KDM4C: variants seen among roughly 807,000 people sequenced by gnomAD.
The protein encoded by KDM4C is lysine demethylase 4C, also known as lysine-specific demethylase 4C.
KDM4C carries 81 observed loss-of-function variants against 129.3 expected under a neutral mutation model. The observed-to-expected ratio is 0.63, with a 90% CI of 0.52 to 0.75. KDM4C has a LOEUF of 0.75. Ranked by LOEUF, KDM4C falls within the 30% of genes least tolerant of loss-of-function variation. The pLI is 0.00. For missense variants in KDM4C, 1,457 were observed against 1,304.0 expected (o/e 1.12, Z -1.81); for synonymous variants, 573 against 456.1 (o/e 1.26, Z -3.26).
rs182194471 is a variant in KDM4C at position 6,863,159 on chromosome 9, G to A, written c.629+13459G>A. 3.2e-4 allele frequency among the ~76,000 whole-genome samples: 49 copies of A among 152,090 alleles called. 1 individual carries two copies. Among genetic ancestry groups the A allele is most frequent in the Admixed American group, 3.2e-3 (49 of 15,278 alleles). On this transcript the variant is annotated intron_variant, in intron 5 of 21. Transcript: ENST00000381309. ...CAAAATAAAAACAAAAAAACCCTGT[G>A]CTTTAACTCCCCCCCACCCCATGTT...
At chr9:6,884,051 A>G (rs536165372) in intron 6 of KDM4C, among the ~76,000 whole-genome samples, 17 of 152,276 alleles carry the variant, frequency 1.1e-4, no homozygotes, top group Admixed American at 2.6e-4. Flanking sequence ...CATGTCTAGG[A>G]GATTAAAACA....
At chr9:7,041,593 A>G (rs1406262067) in intron 15 of KDM4C, among the ~76,000 whole-genome samples, 16 of 151,778 alleles carry the variant, frequency 1.1e-4, no homozygotes, top group Non-Finnish European at 1.9e-4. Flanking sequence ...TGTGTGCTAG[A>G]CATTTTGTCT....
At chr9:7,115,481 A>G (rs925276871) in intron 18 of KDM4C, among the ~76,000 whole-genome samples, 15 of 152,236 alleles carry the variant, frequency 9.9e-5, no homozygotes, top group African/African-American at 3.4e-4. Context: ...CAGACACACA[A>G]CAGCAAAGGG....
chr9:6,887,307 A>G (rs540377618), intron 6 of KDM4C, among the ~76,000 whole-genome samples: 8 of 152,338 alleles, frequency 5.3e-5, no homozygotes, highest in Non-Finnish European at 1.0e-4. Flanking sequence ...GTCTTGGCGT[A>G]TAATATACTG....
intron 1 of KDM4C, among the ~76,000 whole-genome samples, chr9:6,725,709 T>C (rs1817100763): frequency 8.6e-6 from 1 of 116,824 alleles, no homozygotes; most frequent in Non-Finnish European, 2.0e-5. Context: ...TTCTTTTCTT[T>C]TCTTTTTTTT....
At chr9:6,808,147 G>A (rs1830474928) in intron 3 of KDM4C, among the ~76,000 whole-genome samples, 1 of 56,786 alleles carries the variant, frequency 1.8e-5, no homozygotes, top group Non-Finnish European at 3.2e-5. Flanking sequence ...CCCCTACTGG[G>A]AAGTGAGGAG....
At position 7,033,527 on chromosome 9, in the gene KDM4C, A is replaced by C. The variant is rs575240244; in HGVS notation, c.2260-13335A>C. On this transcript the variant is annotated intron_variant, in intron 15 of 21. Transcript: ENST00000381309. ...CTTTAACCAAACAGAAGAGCACATA[A>C]GAGGATATCAGTTATCCTGACAGCA... Among the ~76,000 whole-genome samples, 9 of 152,324 alleles carry C rather than the reference A, an allele frequency of 5.9e-5. No individual in the cohort carries two copies. In the South Asian group the frequency reaches 1.9e-3, roughly 32 times the overall value.
At chr9:7,092,635 G>C (rs1367762454) in intron 17 of KDM4C, among the ~76,000 whole-genome samples, 5 of 152,180 alleles carry the variant, frequency 3.3e-5, no homozygotes, top group African/African-American at 1.2e-4. Context: ...CACTTCTTCT[G>C]TGGGCTTCTT....
In KDM4C at chr9:7,128,227, G is replaced by A. The variant is rs34756746; in HGVS notation, c.2772G>A (p.Glu924=). Residue 924 remains glutamate (E), a synonymous_variant, in exon 19 of 22, where the codon GAG becomes GAA. Transcript: ENST00000381309. The stretch of plus-strand genomic sequence containing the variant: ...CCTTTAGCAGAGACACATTTCCTGA[G>A]GATATCGTGGTAAGTAGGCTTCCTT... ...DGSFSRDTFP[E]DIVSRDCLKL... is the part of the protein sequence containing the mutation. 2,532 of 1,586,340 alleles carry A rather than the reference G, an allele frequency of 1.6e-3. 32 individuals carry two copies. In the African/African-American group the frequency reaches 0.029, roughly 18 times the overall value.
At chr9:7,076,802 A>G (rs1006314318) in intron 17 of KDM4C, 8 of 1,039,684 alleles carry the variant, frequency 7.7e-6, no homozygotes, top group African/African-American at 1.7e-5. Context: ...ATTTAGTCCA[A>G]CGTGTCCTAC....
chr9:7,111,172 T>A (rs1391476743), intron 18 of KDM4C, among the ~76,000 whole-genome samples: 1 of 152,178 alleles, frequency 6.6e-6, no homozygotes, highest in South Asian at 2.1e-4. Flanking sequence ...TGTGATAAGC[T>A]GCGTTCTAAA....
intron 8 of KDM4C, among the ~76,000 whole-genome samples, chr9:6,905,092 G>C (rs1311344981): frequency 6.6e-6 from 1 of 152,220 alleles, no homozygotes; most frequent in Non-Finnish European, 1.5e-5. Context: ...TTAATTTGAT[G>C]TGCTTCTTAA....
intron 17 of KDM4C, among the ~76,000 whole-genome samples, chr9:7,060,036 CATAAT>C (rs1002697569): frequency 5.3e-5 from 8 of 152,128 alleles, no homozygotes; most frequent in African/African-American, 1.7e-4. Context: ...AGGATCCCCT[CATAAT>C]ATAGTATCCT....
intron 1 of KDM4C, among the ~76,000 whole-genome samples, chr9:6,785,638 C>T (rs536996216): frequency 1.3e-5 from 2 of 152,192 alleles, no homozygotes; most frequent in Non-Finnish European, 2.9e-5. Flanking sequence ...CGCCTGGCTT[C>T]TTCTCTTCCT....
chr9:6,806,621 G>A (rs1271189700), intron 3 of KDM4C, among the ~76,000 whole-genome samples: 4 of 152,018 alleles, frequency 2.6e-5, no homozygotes, highest in Admixed American at 6.6e-5. Context: ...GGTCTCATGA[G>A]GTTGCAGTTA....
At chr9:7,014,652 C>A (rs1167753253) in intron 14 of KDM4C, among the ~76,000 whole-genome samples, 1 of 151,990 alleles carries the variant, frequency 6.6e-6, no homozygotes, top group East Asian at 1.9e-4. Flanking sequence ...TTTTAATATT[C>A]CAGATCTTAC....
intron 18 of KDM4C, among the ~76,000 whole-genome samples, chr9:7,109,228 G>T (rs189089701): frequency 6.6e-6 from 1 of 152,302 alleles, no homozygotes; most frequent in Non-Finnish European, 1.5e-5. Flanking sequence ...TTATACTTGG[G>T]TCTCATTCAG....
At chr9:6,755,157 G>T (rs1381518556), upstream of KDM4C, among the ~76,000 whole-genome samples, 5 of 152,178 alleles carry the variant, frequency 3.3e-5, no homozygotes, top group East Asian at 9.7e-4. Context: ...GGATCACAAG[G>T]TCAGGAGATC....
chr9:6,722,436 G>T (rs1816985627), intron 1 of KDM4C, among the ~76,000 whole-genome samples: 1 of 152,086 alleles, frequency 6.6e-6, no homozygotes, highest in Admixed American at 6.6e-5. Context: ...CTAGCACTTT[G>T]GGAGGCTGAG....
Sources: gnomAD v4.1 joint callset for allele counts (sites outside exome capture counted in the v4.1 genomes callset) on GRCh38, gnomAD v4.1.1 for gene constraint, MANE v1.5 for transcripts, NCBI Gene and HGNC (gene_info 2026-07-23, HGNC 2026-07-21) for gene names.